SETX: variants seen among roughly 807,000 people sequenced by gnomAD.
The protein encoded by SETX is helicase senataxin.
In SETX, 90 loss-of-function variants were observed where a neutral mutation model predicts 227.2. That is an observed-to-expected ratio of 0.40 (90% confidence interval 0.33 to 0.47). The LOEUF (loss-of-function observed/expected upper bound fraction) is 0.47, where lower values mean the gene tolerates loss of function less well. Among genes scored for constraint, SETX ranks in the 20% least tolerant of loss-of-function variants. SETX has a pLI of 0.91. For missense variants in SETX, 3,052 were observed against 3,181.5 expected (o/e 0.96, Z 0.98); for synonymous variants, 1,210 against 1,113.2 (o/e 1.09, Z -1.73).
At chr9:132,273,635 T>C (rs1589614987) in intron 23 of SETX, among the ~76,000 whole-genome samples, 1 of 152,376 alleles carries the variant, frequency 6.6e-6, no homozygotes, top group East Asian at 1.9e-4. Context: ...CATCAAAATA[T>C]AATCAACTTT....
intron 10 of SETX, among the ~76,000 whole-genome samples, chr9:132,312,493 A>G (rs573703781): frequency 6.6e-6 from 1 of 152,230 alleles, no homozygotes; most frequent in Non-Finnish European, 1.5e-5. Context: ...TTGGGCCCTA[A>G]GGAGGGTTTT....
intron 10 of SETX, among the ~76,000 whole-genome samples, chr9:132,325,208 T>G (rs776580243): frequency 6.6e-6 from 1 of 151,916 alleles, no homozygotes; most frequent in African/African-American, 2.4e-5. Context: ...TACAAAAAAT[T>G]AGCCGGCCGT....
chr9:132,317,575 T>C (rs1846055086), intron 10 of SETX, among the ~76,000 whole-genome samples: 2 of 152,188 alleles, frequency 1.3e-5, no homozygotes, highest in Admixed American at 1.3e-4. Context: ...TAAATGTTGA[T>C]TGTAAAAGTG....
chr9:132,289,462 C>A (rs1366895296), intron 15 of SETX, among the ~76,000 whole-genome samples: 1 of 152,122 alleles, frequency 6.6e-6, no homozygotes, highest in Admixed American at 6.6e-5. Flanking sequence ...CTGATTTGCT[C>A]TGGCCCCCTG....
At chr9:132,318,974 G>A (rs1184834) in intron 10 of SETX, among the ~76,000 whole-genome samples, 38,088 of 152,006 alleles carry the variant, frequency 0.25, 6,067 homozygotes, top group East Asian at 0.67. Context: ...CTCACAATAT[G>A]TATCAGTTTA....
At chr9:132,274,907 G>A (rs1825852838) in intron 23 of SETX, 1 of 252,050 alleles carries the variant, frequency 4.0e-6, no homozygotes, top group Non-Finnish European at 7.6e-6. Context: ...ATACATAAAG[G>A]CAATACAAGG....
intron 10 of SETX, among the ~76,000 whole-genome samples, chr9:132,315,946 G>A (rs1198672169): frequency 4.6e-5 from 7 of 152,104 alleles, no homozygotes; most frequent in African/African-American, 1.7e-4. Flanking sequence ...TAGACAAATG[G>A]TAATCTACCA....
chr9:132,331,819 T>C (rs1035452334), intron 7 of SETX, among the ~76,000 whole-genome samples: 1 of 152,052 alleles, frequency 6.6e-6, no homozygotes, highest in African/African-American at 2.4e-5. Flanking sequence ...AACTTTGTAG[T>C]CCCATCCTCC....
rs115071007 is a variant in SETX, at chr9:132,311,785, G to A, written c.5346C>T (p.Ala1782=). The A allele has an allele frequency of 1.6e-4, 256 of 1,613,120 alleles. No individual in the cohort carries two copies. The African/African-American group carries it at 3.0e-3, about 19-fold the overall frequency. The change falls in exon 11 of 26, where the codon GCC becomes GCT. Residue 1782 remains alanine, a synonymous_variant. Coordinates refer to ENST00000224140, the MANE Select transcript of SETX (RefSeq NM_015046.7). The part of the protein sequence containing the change: ...FYQLQVRKFP[A]DYIKYWEFAV... ...CAAACTCCCAGTATTTTATATAATCGGCAGGAAATTTTCGTACTTGCAACT... is the reference window on the plus strand; with the variant it reads ...CAAACTCCCAGTATTTTATATAATCAGCAGGAAATTTTCGTACTTGCAACT...
chr9:132,304,629 T>C (rs1220666289), intron 11 of SETX, among the ~76,000 whole-genome samples: 3 of 140,538 alleles, frequency 2.1e-5, no homozygotes, highest in Admixed American at 2.1e-4. Context: ...CAAGACCCTG[T>C]TTCAAAAAAA....
chr9:132,326,388 A>C lies in SETX; in HGVS notation c.5210T>G (p.Phe1737Cys). ...QSISRPVPVR[F>C]HNYGDYFNVF... ...ATTAAAATAATCTCCATAATTGTGAAATCTGACAGGCACAGGTCTTGAGAT... is the reference window on the plus strand; with the variant it reads ...ATTAAAATAATCTCCATAATTGTGACATCTGACAGGCACAGGTCTTGAGAT... Residue 1737 changes from phenylalanine to cysteine, a missense_variant, in exon 10 of 26, where the codon TTT becomes TGT. By Grantham distance (205) the Phe-to-Cys change is radical. This residue lies in a region of SETX where 239 missense variants were observed against 272.1 expected (regional missense o/e 0.88). Transcript: ENST00000224140. 6.2e-7 allele frequency: 1 copy of C among 1,614,122 alleles called. No individual in the cohort carries two copies. Among genetic ancestry groups the C allele is most frequent in the Non-Finnish European group, 8.5e-7 (1 of 1,179,960 alleles).
At chr9:132,272,565 C>A (rs1238517765) in intron 23 of SETX, among the ~76,000 whole-genome samples, 3 of 152,100 alleles carry the variant, frequency 2.0e-5, no homozygotes, top group Non-Finnish European at 4.4e-5. Flanking sequence ...ATCCTCCTTG[C>A]CTCAGCCTCC....
chr9:132,308,023 G>A (rs1343844112), intron 11 of SETX, among the ~76,000 whole-genome samples: 1 of 152,154 alleles, frequency 6.6e-6, no homozygotes, highest in Non-Finnish European at 1.5e-5. Context: ...CAAGCAGCAA[G>A]TATTTATACT....
At position 132,346,395 on chromosome 9, in the gene SETX, T is replaced by C; in HGVS notation, c.254A>G (p.Asp85Gly). 1 of 1,613,828 alleles carries C rather than the reference T, an allele frequency of 6.2e-7. No individual in the cohort carries two copies. The highest frequency in any genetic ancestry group is 8.5e-7 in the Non-Finnish European group (1 of 1,179,766). The stretch of plus-strand genomic sequence containing the variant: ...ATTATTGTCTACTATATATAACTCA[T>C]CATCATCTCCAATTTCTGCCTTCAT... ...KSMKAEIGDD[D>G]ELYIVDNNGE... Residue 85 changes from aspartate (D) to glycine (G), a missense_variant, in exon 4 of 26, where the codon GAT becomes GGT. Physicochemically the swap from Asp to Gly is moderately conservative, Grantham distance 94. Around this residue, in one of 10 missense-constraint regions of SETX, gnomAD observed 152 missense variants for 156.2 expected, o/e 0.97. Transcript: ENST00000224140.
chr9:132,354,718 C>A (rs543749897), intron 1 of SETX, among the ~76,000 whole-genome samples, 199 bp downstream of exon 1: 2 of 152,058 alleles, frequency 1.3e-5, no homozygotes, highest in African/African-American at 4.8e-5. Flanking sequence ...CGCAGGAAGG[C>A]AACAGGCGGC....
At chr9:132,317,205 C>A (rs1310336965) in intron 10 of SETX, among the ~76,000 whole-genome samples, 1 of 152,186 alleles carries the variant, frequency 6.6e-6, no homozygotes, top group African/African-American at 2.4e-5. Context: ...AGTTCCTGTG[C>A]TATCTTCTTC....
intron 10 of SETX, among the ~76,000 whole-genome samples, chr9:132,314,529 T>A (rs1260694667): frequency 6.6e-6 from 1 of 152,198 alleles, no homozygotes; most frequent in Non-Finnish European, 1.5e-5. Flanking sequence ...CGGCTAGCTT[T>A]CCAAGTATTA....
chr9:132,305,371 A>T (rs1232885579), intron 11 of SETX, among the ~76,000 whole-genome samples: 1 of 150,658 alleles, frequency 6.6e-6, no homozygotes, highest in Non-Finnish European at 1.5e-5. Context: ...AAAAAAAAAA[A>T]CTATTTCGAA....
intron 25 of SETX, 21 bp from the exon 26 acceptor site, chr9:132,265,006 G>T (rs1351099992): frequency 6.2e-7 from 1 of 1,610,762 alleles, no homozygotes; most frequent in Non-Finnish European, 8.5e-7. Flanking sequence ...TGAGAAGGGA[G>T]AAATAATTAC....
Sources: gnomAD v4.1 joint callset for allele counts (sites outside exome capture counted in the v4.1 genomes callset) on GRCh38, gnomAD v4.1.1 for gene constraint, gnomAD v4.1.1 regional missense constraint, MANE v1.5 for transcripts, NCBI Gene and HGNC (gene_info 2026-07-23, HGNC 2026-07-21) for gene names.